Variants in CDH22 observed in about 807,000 individuals in gnomAD.
The protein encoded by CDH22 is cadherin-22.
In CDH22, 30 loss-of-function variants were observed where a neutral mutation model predicts 58.4. The observed-to-expected ratio is 0.51, with a 90% CI of 0.38 to 0.70. The LOEUF is 0.70. Ranked by LOEUF, CDH22 falls within the 30% of genes least tolerant of loss-of-function variation. CDH22 has a pLI of 0.00. For missense variants in CDH22, 1,014 were observed against 1,233.9 expected, an observed-to-expected ratio of 0.82 and a Z score of 2.67; for synonymous variants, 513 against 558.2, an observed-to-expected ratio of 0.92 and a Z score of 1.14.
chr20:46,272,558 C>T (rs939275454), intron 1 of CDH22, among the ~76,000 whole-genome samples: 4 of 152,146 alleles, frequency 2.6e-5, no homozygotes, highest in African/African-American at 4.8e-5. Flanking sequence ...GAAGGAAGCA[C>T]GATGACTGAG....
chr20:46,276,735 G>T (rs1006767618), intron 1 of CDH22, among the ~76,000 whole-genome samples: 24 of 152,226 alleles, frequency 1.6e-4, no homozygotes, highest in African/African-American at 4.3e-4. Flanking sequence ...TGCTGGCTGG[G>T]GTTAGCAGTG....
chr20:46,184,237 T>C (rs951801675), intron 10 of CDH22, among the ~76,000 whole-genome samples: 1 of 152,082 alleles, frequency 6.6e-6, no homozygotes, highest in African/African-American at 2.4e-5. Flanking sequence ...TAGCTGGGAT[T>C]ACAGGCATGC....
chr20:46,188,165 G>A (rs1250643880), intron 8 of CDH22, among the ~76,000 whole-genome samples: 2 of 152,176 alleles, frequency 1.3e-5, no homozygotes, highest in Non-Finnish European at 2.9e-5. Context: ...GACTGCAGGA[G>A]GCTTGAATTC....
intron 8 of CDH22, among the ~76,000 whole-genome samples, chr20:46,197,098 C>A (rs2085909549): frequency 1.3e-5 from 2 of 151,978 alleles, no homozygotes; most frequent in South Asian, 4.2e-4. Context: ...GCAGAGAGTG[C>A]CCAGAAAAGG....
Position 46,303,871 on chromosome 20 carries a change from G to A in CDH22, c.-400+4384C>T, listed in dbSNP as rs6032758. ...AAGCCAGTGACACGATCCCACCTGC[G>A]TTAGAGAACGATCGCTCTGGTTGCC... On this transcript the variant is annotated intron_variant, in intron 1 of 11. Coordinates refer to ENST00000537909, the MANE Select transcript of CDH22 (RefSeq NM_021248.3). 7.8e-3 allele frequency among the ~76,000 whole-genome samples: 1,186 copies of A among 152,310 alleles called. 18 individuals are homozygous for A. Among genetic ancestry groups the A allele is most frequent in the African/African-American group, 0.027 (1,109 of 41,538 alleles).
At chr20:46,227,395 C>CCTCAGAGCTTCTGGGACAGAAGG (rs2086183441) in intron 4 of CDH22, 113 bp downstream of exon 4, 1 of 1,070,982 alleles carries the variant, frequency 9.3e-7, no homozygotes, top group African/African-American at 1.6e-5. Flanking sequence ...CCTGTGCTGT[C>CCTCAGAGCTTCTGGGACAGAAGG]CTCAGAGCTT....
Position 46,300,429 on chromosome 20 carries a change from T to C in CDH22, c.-400+7826A>G, listed in dbSNP as rs1276126286. On this transcript the variant is annotated intron_variant, in intron 1 of 11. Coordinates refer to ENST00000537909, the MANE Select transcript of CDH22 (RefSeq NM_021248.3). This position sits in a 1 kb window ranked among gnomAD's most constrained non-coding sequence, Gnocchi z 4.4. The stretch of plus-strand genomic sequence containing the variant: ...CCATCCATCAGCCTGCCCGGGCCCA[T>C]CCACCTTATGTCCCCCGCCTGCCTG... Among the ~76,000 whole-genome samples, 1 of 152,096 alleles carries C rather than the reference T, an allele frequency of 6.6e-6. No homozygotes were observed. The highest frequency in any genetic ancestry group is 2.4e-5 in the African/African-American group (1 of 41,398).
chr20:46,216,895 G>T lies in CDH22; in HGVS notation c.769C>A (p.Leu257Ile). 1 of 1,611,302 alleles carries T rather than the reference G, an allele frequency of 6.2e-7. No individual in the cohort carries two copies. The highest frequency in any genetic ancestry group is 8.5e-7 in the Non-Finnish European group (1 of 1,177,900). ...ATGGTGACGGTAGTGGAGCCCGAGA[G>T]GCCACCCAGCTGACCCGCCATGTCT... ...ATDMAGQLGG[L>I]SGSTTVTIVV... is the part of the protein sequence containing the mutation. Residue 257 changes from leucine to isoleucine, a missense_variant, in exon 5 of 12, where the codon CTC becomes ATC. By Grantham distance (5) the Leu-to-Ile change is conservative. Transcript: ENST00000537909. The surrounding 1 kb of genome is among the most constrained non-coding windows in gnomAD (Gnocchi z 5.3).
At chr20:46,213,323 C>A in intron 5 of CDH22, 135 bp from the exon 6 acceptor site, 1 of 628,858 alleles carries the variant, frequency 1.6e-6, no homozygotes, top group Non-Finnish European at 2.8e-6. Flanking sequence ...TCAGCTTGGC[C>A]AGAATGGGGG....
intron 2 of CDH22, among the ~76,000 whole-genome samples, chr20:46,246,002 C>T (rs969694933): frequency 1.3e-5 from 2 of 152,106 alleles, no homozygotes; most frequent in African/African-American, 2.4e-5. Context: ...AGGAGAAATC[C>T]CCCTCAAGCC....
chr20:46,196,460 C>T (rs1600691154), intron 8 of CDH22, among the ~76,000 whole-genome samples: 1 of 152,206 alleles, frequency 6.6e-6, no homozygotes, highest in Non-Finnish European at 1.5e-5. Context: ...TTTTAGTAGA[C>T]ATGGGGTTTC....
At chr20:46,304,908 C>T (rs2145788992) in intron 1 of CDH22, among the ~76,000 whole-genome samples, 1 of 152,278 alleles carries the variant, frequency 6.6e-6, no homozygotes, top group South Asian at 2.1e-4. Context: ...GAGAAAGATG[C>T]CCCCTCCTCC....
intron 3 of CDH22, among the ~76,000 whole-genome samples, chr20:46,228,889 C>T (rs1337237052): frequency 3.9e-5 from 6 of 152,190 alleles, no homozygotes; most frequent in Admixed American, 1.3e-4. Context: ...AAGCCCAGCC[C>T]GCCGCCCGCC....
At chr20:46,196,131 C>G (rs1043381354) in intron 8 of CDH22, among the ~76,000 whole-genome samples, 1 of 152,182 alleles carries the variant, frequency 6.6e-6, no homozygotes, top group African/African-American at 2.4e-5. Context: ...TTGGGTCAAG[C>G]CTGCCCCTGC....
chr20:46,276,892 T>C (rs1472281135), intron 1 of CDH22, among the ~76,000 whole-genome samples: 1 of 152,150 alleles, frequency 6.6e-6, no homozygotes, highest in Non-Finnish European at 1.5e-5. Context: ...GGGTCTGGAA[T>C]CCAAAGAAGA....
chr20:46,204,116 C>T (rs763890923), intron 7 of CDH22, among the ~76,000 whole-genome samples: 4 of 151,978 alleles, frequency 2.6e-5, no homozygotes, highest in South Asian at 2.1e-4. Context: ...GATAGTAGGC[C>T]GGGCAGGGTG....
In CDH22 at chr20:46,251,512, G is replaced by A. The variant is rs2145738507; in HGVS notation, c.-218C>T. On this transcript the variant is annotated 5_prime_UTR_variant, in exon 2 of 12. Transcript: ENST00000537909. The surrounding 1 kb of genome is among the most constrained non-coding windows in gnomAD (Gnocchi z 6.7). Reference sequence around the variant, plus strand: ...AGGGGGAGGGGGCGCGGCCGCATCCGGGGCATGGACAGCCCCCGGGGTGCC... The same window carrying A: ...AGGGGGAGGGGGCGCGGCCGCATCCAGGGCATGGACAGCCCCCGGGGTGCC... 4.9e-6 allele frequency: 2 copies of A among 408,024 alleles called. No homozygotes were observed. Among genetic ancestry groups the A allele is most frequent in the South Asian group, 9.5e-5 (1 of 10,488 alleles). 25.3% of individuals were successfully genotyped at this position (408,024 alleles called of 1,614,324 possible).
At chr20:46,260,519 G>A (rs568125939) in intron 1 of CDH22, among the ~76,000 whole-genome samples, 4 of 152,290 alleles carry the variant, frequency 2.6e-5, no homozygotes, top group Non-Finnish European at 4.4e-5. Flanking sequence ...CCCTTTCCCC[G>A]TTCCCACACA....
chr20:46,269,035 T>G (rs1243392244), intron 1 of CDH22, among the ~76,000 whole-genome samples: 1 of 152,232 alleles, frequency 6.6e-6, no homozygotes, highest in Non-Finnish European at 1.5e-5. Flanking sequence ...GTTATCTCTC[T>G]AACGATTAGA....
Sources: allele counts gnomAD v4.1 joint callset (sites outside exome capture counted in the v4.1 genomes callset), GRCh38; gene constraint gnomAD v4.1.1; non-coding constraint Gnocchi (gnomAD v3.1); transcripts MANE v1.5; gene names NCBI Gene and HGNC (gene_info 2026-07-23, HGNC 2026-07-21).